NPHP3: variants seen among roughly 807,000 people sequenced by gnomAD.
NPHP3 encodes the protein nephrocystin-3.
A neutral mutation model predicts 171.9 loss-of-function variants in NPHP3; 123 were observed. The ratio of observed to expected loss-of-function variants is 0.72; its 90% CI spans 0.62 to 0.83. The LOEUF (loss-of-function observed/expected upper bound fraction) is 0.83. NPHP3 is among the 40% of genes least tolerant of loss of function. The pLI, the probability that NPHP3 is intolerant of heterozygous loss-of-function variation, is 0.00. For synonymous variants in NPHP3, 558 were observed against 579.2 expected, an observed-to-expected ratio of 0.96 and a Z score of 0.52; for missense variants, 1,506 against 1,591.9, an observed-to-expected ratio of 0.95 and a Z score of 0.92.
intron 14 of NPHP3, 30 bp downstream of exon 14, chr3:132,697,230 A>T (rs1264990463): frequency 7.3e-7 from 1 of 1,379,100 alleles, no homozygotes; most frequent in African/African-American, 1.4e-5. Context: ...TGAGAGAGTA[A>T]AAGATTGCAT....
Position 132,715,979 on chromosome 3 carries a change from C to T in NPHP3, c.824-761G>A, listed in dbSNP as rs116838943. Reference sequence around the variant, plus strand: ...GTGGTGTTTGCATATAAATTACGCACATCCTCCCATATTCTTTAAATCAAG... The same window carrying T: ...GTGGTGTTTGCATATAAATTACGCATATCCTCCCATATTCTTTAAATCAAG... On this transcript the variant is annotated intron_variant, in intron 4 of 26. Transcript: ENST00000337331. Among the ~76,000 whole-genome samples, 1,463 of 151,780 alleles carry T rather than the reference C, an allele frequency of 9.6e-3. 17 individuals carry two copies. The highest frequency in any genetic ancestry group is 0.034 in the African/African-American group (1,397 of 41,306).
Position 132,720,659 on chromosome 3 carries a change from AAAC to A in NPHP3, c.394-832_394-830del, listed in dbSNP as rs564919142. Reference sequence around the variant, plus strand: ...AGCTAATGAGGGAGTTTAAAAACAAAAACAACAACAACAACAACAACAAAACCT... The same window carrying A: ...AGCTAATGAGGGAGTTTAAAAACAAAAACAACAACAACAACAACAAAACCT... On this transcript the variant is annotated intron_variant, in intron 1 of 26. Coordinates refer to ENST00000337331, the MANE Select transcript of NPHP3 (RefSeq NM_153240.5). Among the ~76,000 whole-genome samples, 205 of 151,964 alleles carry A rather than the reference AAAC, an allele frequency of 1.3e-3. 1 individual carries two copies. In the Middle Eastern group the frequency reaches 0.021, roughly 15 times the overall value.
intron 21 of NPHP3, among the ~76,000 whole-genome samples, chr3:132,687,569 C>T (rs955661495): frequency 6.6e-6 from 1 of 152,122 alleles, no homozygotes; most frequent in African/African-American, 2.4e-5. Flanking sequence ...TGAAGGGCAA[C>T]CTAACTAAAT....
chr3:132,708,168 A>C lies in NPHP3; in HGVS notation c.1208T>G (p.Val403Gly). 1 of 1,614,150 alleles carries C rather than the reference A, an allele frequency of 6.2e-7. No individual in the cohort carries two copies. The highest frequency in any genetic ancestry group is 1.1e-5 in the South Asian group (1 of 91,082). ...CAATTGCTGGACAGAGTCAGAACTG[A>C]CTTTTCCATCTTCCAAACGATGAAA... ...LIFHRLEDGK[V>G]SSDSVQQLID... The change falls in exon 7 of 27, where the codon GTC becomes GGC. Residue 403 changes from valine to glycine, a missense_variant. Val to Gly is a moderately radical substitution (Grantham distance 109). Transcript: ENST00000337331.
chr3:132,683,484 A>G lies in NPHP3; in HGVS notation c.3611T>C (p.Val1204Ala). ...DKAVPLYELA[V>A]EIRQKSFGPK... ...GCCAAAAGATTTCTGTCGAATTTCAACAGCCAATTCATACAAAGGTACAGC... is the reference window on the plus strand; with the variant it reads ...GCCAAAAGATTTCTGTCGAATTTCAGCAGCCAATTCATACAAAGGTACAGC... The change falls in exon 25 of 27, where the codon GTT becomes GCT. Residue 1204 changes from valine to alanine, a missense_variant. Val to Ala is a moderately conservative substitution (Grantham distance 64, BLOSUM62 0). Coordinates refer to ENST00000337331, the MANE Select transcript of NPHP3 (RefSeq NM_153240.5). The G allele has an allele frequency of 6.2e-7, 1 of 1,613,052 alleles. No individual in the cohort carries two copies. Among genetic ancestry groups the G allele is most frequent in the Non-Finnish European group, 8.5e-7 (1 of 1,179,300 alleles).
At chr3:132,700,919 A>G (rs1048628126) in intron 10 of NPHP3, among the ~76,000 whole-genome samples, 1 of 152,200 alleles carries the variant, frequency 6.6e-6, no homozygotes, top group Non-Finnish European at 1.5e-5. Context: ...ATGAAATAAT[A>G]AAGTTTATTA....
chr3:132,684,480 A>G, intron 24 of NPHP3, 74 bp downstream of exon 24: 1 of 1,542,208 alleles, frequency 6.5e-7, no homozygotes, highest in Non-Finnish European at 8.9e-7. Flanking sequence ...CATAAAGACA[A>G]ATTATTTTGC....
intron 12 of NPHP3, 62 bp from the exon 13 acceptor site, chr3:132,699,512 T>C: frequency 1.9e-6 from 2 of 1,025,790 alleles, no homozygotes; most frequent in Non-Finnish European, 1.5e-6. Flanking sequence ...AATCCAATAA[T>C]AGCTCCCCAA....
At position 132,686,248 on chromosome 3, in the gene NPHP3, C is replaced by T; in HGVS notation, c.3329+12G>A. 1 of 1,612,318 alleles carries T rather than the reference C, an allele frequency of 6.2e-7. No homozygotes were observed. The highest frequency in any genetic ancestry group is 2.2e-5 in the East Asian group (1 of 44,836). ...GGTTAATTATTTTCATTATTAACCCCATGGTACTCACTCCAGGTTATTTTG... is the reference window on the plus strand; with the variant it reads ...GGTTAATTATTTTCATTATTAACCCTATGGTACTCACTCCAGGTTATTTTG... On this transcript the variant is annotated intron_variant, in intron 23 of 26. Transcript: ENST00000337331.
intron 2 of NPHP3, among the ~76,000 whole-genome samples, 183 bp downstream of exon 2, chr3:132,719,522 A>G (rs1468844920): frequency 6.6e-6 from 1 of 152,174 alleles, no homozygotes; most frequent in Non-Finnish European, 1.5e-5. Flanking sequence ...TTTTCTTTGA[A>G]ATGATCTCAA....
At chr3:132,699,291 C>T in intron 13 of NPHP3, 62 bp downstream of exon 13, 1 of 1,178,316 alleles carries the variant, frequency 8.5e-7, no homozygotes, top group Non-Finnish European at 1.3e-6. Flanking sequence ...TATTAAAAAT[C>T]TTTCCTTGTT....
intron 19 of NPHP3, 141 bp downstream of exon 19, chr3:132,690,387 T>C (rs991061657): frequency 5.3e-6 from 4 of 760,774 alleles, no homozygotes; most frequent in African/African-American, 1.8e-5. Context: ...GATTTGTAAA[T>C]TGTCTCAAGA....
chr3:132,682,139 C>T (rs1199471540), intron 26 of NPHP3, 49 bp from the exon 27 acceptor site: 1 of 1,529,456 alleles, frequency 6.5e-7, no homozygotes, highest in East Asian at 2.3e-5. Context: ...TAACCTCTTA[C>T]CAATTCAAAA....
chr3:132,696,920 T>A, intron 14 of NPHP3, 107 bp from the exon 15 acceptor site: 1 of 883,956 alleles, frequency 1.1e-6, no homozygotes, highest in Non-Finnish European at 1.9e-6. Context: ...GAAATAACAC[T>A]ATTGCTGCCA....
chr3:132,688,578 T>C lies in NPHP3; in HGVS notation c.3125+72A>G, dbSNP rs113892559. On this transcript the variant is annotated intron_variant, in intron 21 of 26. Coordinates refer to ENST00000337331, the MANE Select transcript of NPHP3 (RefSeq NM_153240.5). Reference sequence around the variant, plus strand: ...AAAGTACACAGTGATAAAACAAAGCTTACCCTATAAGTACACTAAAACTGT... The same window carrying C: ...AAAGTACACAGTGATAAAACAAAGCCTACCCTATAAGTACACTAAAACTGT... The C allele has an allele frequency of 3.0e-4, 452 of 1,526,234 alleles. 3 individuals carry two copies. In the African/African-American group the frequency reaches 4.5e-3, roughly 15 times the overall value. The allele number at this position is 1,526,234 out of a possible 1,614,324, so 94.5% of individuals were successfully genotyped here.
intron 9 of NPHP3, among the ~76,000 whole-genome samples, chr3:132,702,136 T>C (rs1939627513): frequency 6.6e-6 from 1 of 152,212 alleles, no homozygotes; most frequent in East Asian, 1.9e-4. Flanking sequence ...TGTGGGGTTT[T>C]GCAACACTCA....
At position 132,699,417 on chromosome 3, in the gene NPHP3, G is replaced by T. The variant is rs1246690629; in HGVS notation, c.1921C>A (p.Pro641Thr). The T allele has an allele frequency of 6.2e-7, 1 of 1,611,332 alleles. No homozygotes were observed. Among genetic ancestry groups the T allele is most frequent in the Admixed American group, 1.7e-5 (1 of 59,996 alleles). ...ATTACTCTTACATTCACTGGCAGTG[G>T]ATCTATCAGCCATTTCATGTGTTTT... Reference protein sequence around the residue: ...VEKHMKWLIDPLPVNVRVIVS... With the variant: ...VEKHMKWLIDTLPVNVRVIVS... The change falls in exon 13 of 27, where the codon CCA becomes ACA. Residue 641 changes from proline (P) to threonine (T), a missense_variant. By Grantham distance (38) the Pro-to-Thr change is conservative. Coordinates refer to ENST00000337331, the MANE Select transcript of NPHP3 (RefSeq NM_153240.5).
At chr3:132,702,298 G>T (rs183673174) in intron 9 of NPHP3, among the ~76,000 whole-genome samples, 29 of 152,176 alleles carry the variant, frequency 1.9e-4, no homozygotes, top group Admixed American at 1.2e-3. Context: ...CTGGGGGTGA[G>T]AAAAGGTCCA....
At chr3:132,717,639 T>C (rs1940088931) in intron 3 of NPHP3, among the ~76,000 whole-genome samples, 1 of 152,082 alleles carries the variant, frequency 6.6e-6, no homozygotes, top group African/African-American at 2.4e-5. Context: ...CCAAGACAAT[T>C]ACAATAGTTT....
Sources: gnomAD v4.1 joint callset for allele counts (sites outside exome capture counted in the v4.1 genomes callset) on GRCh38, gnomAD v4.1.1 for gene constraint, MANE v1.5 for transcripts, NCBI Gene and HGNC (gene_info 2026-07-23, HGNC 2026-07-21) for gene names.